Variants in RFX3 observed in about 807,000 individuals in gnomAD.
RFX3 encodes the protein transcription factor RFX3.
Under a neutral mutation model 98.6 loss-of-function variants are expected in RFX3, and 14 were observed. The ratio of observed to expected loss-of-function variants is 0.14; its 90% CI spans 0.09 to 0.22. The LOEUF (loss-of-function observed/expected upper bound fraction) is 0.22. Ranked by LOEUF, RFX3 falls within the 10% of genes least tolerant of loss-of-function variation. The probability of loss-of-function intolerance (pLI) is 1.00; values close to 1 mark genes in which losing one functional copy is unlikely to be tolerated. For synonymous variants in RFX3, 383 were observed against 328.4 expected (o/e 1.17, Z -1.80); for missense variants, 639 against 926.9 (o/e 0.69, Z 4.03).
At chr9:3,231,533 C>A (rs1439028454) in intron 15 of RFX3, among the ~76,000 whole-genome samples, 1 of 152,024 alleles carries the variant, frequency 6.6e-6, no homozygotes. Context: ...TCCCTATATT[C>A]TGAAGGGTAG....
At chr9:3,472,218 T>C (rs905531847) in intron 1 of RFX3, among the ~76,000 whole-genome samples, 1 of 152,182 alleles carries the variant, frequency 6.6e-6, no homozygotes, top group African/African-American at 2.4e-5. Context: ...AGGCCAAGAA[T>C]ATTAAAGCAC....
At chr9:3,457,894 G>T (rs1847336883) in intron 1 of RFX3, among the ~76,000 whole-genome samples, 1 of 152,030 alleles carries the variant, frequency 6.6e-6, no homozygotes, top group Non-Finnish European at 1.5e-5. Flanking sequence ...AATATAGACT[G>T]CTAGGTGGAA....
intron 2 of RFX3, among the ~76,000 whole-genome samples, chr9:3,357,567 C>T (rs1276725517): frequency 3.3e-5 from 5 of 151,804 alleles, no homozygotes; most frequent in Admixed American, 1.3e-4. Context: ...TATATTACAA[C>T]CAAATTTCAC....
intron 2 of RFX3, among the ~76,000 whole-genome samples, chr9:3,392,899 G>C (rs901786439): frequency 1.1e-4 from 17 of 152,020 alleles, no homozygotes; most frequent in African/African-American, 3.4e-4. Context: ...GATTTGAAAA[G>C]CATTTATATA....
Position 3,231,277 on chromosome 9 carries a change from A to G in RFX3, c.1969-2388T>C, listed in dbSNP as rs143206121. On this transcript the variant is annotated intron_variant, in intron 15 of 16. Transcript: ENST00000617270. ...AGAAGAGATAAGATTTTACTATCCTATAGAGCTGAAGGTAAAGGCTTTTAT... is the reference window on the plus strand; with the variant it reads ...AGAAGAGATAAGATTTTACTATCCTGTAGAGCTGAAGGTAAAGGCTTTTAT... Among the ~76,000 whole-genome samples, 937 of 152,338 alleles carry G rather than the reference A, an allele frequency of 6.2e-3. 3 individuals are homozygous for G. Among genetic ancestry groups the G allele is most frequent in the Non-Finnish European group, 1.0e-2 (679 of 68,026 alleles).
At chr9:3,349,412 TTTAA>T (rs1373740350) in intron 2 of RFX3, among the ~76,000 whole-genome samples, 4 of 152,100 alleles carry the variant, frequency 2.6e-5, no homozygotes, top group African/African-American at 9.7e-5. Context: ...AATTCATGTA[TTTAA>T]TTTTCTTTTT....
chr9:3,424,360 T>C (rs1176084234), intron 1 of RFX3, among the ~76,000 whole-genome samples: 5 of 104,140 alleles, frequency 4.8e-5, no homozygotes, highest in African/African-American at 7.6e-5. Context: ...TTTTTTTTTT[T>C]TTTTTTTTTT....
At chr9:3,504,900 T>TTTTA (rs1816687210) in intron 1 of RFX3, among the ~76,000 whole-genome samples, 1 of 62,726 alleles carries the variant, frequency 1.6e-5, no homozygotes, top group South Asian at 4.6e-4. Context: ...ATAACATATA[T>TTTTA]TATATATATA....
At chr9:3,360,393 A>G (rs1373592031) in intron 2 of RFX3, among the ~76,000 whole-genome samples, 1 of 152,146 alleles carries the variant, frequency 6.6e-6, no homozygotes, top group East Asian at 1.9e-4. Context: ...ACCTGACCAT[A>G]TCAGGTTTAA....
At chr9:3,257,231 G>GT in intron 13 of RFX3, 32 bp from the exon 14 acceptor site, 1 of 1,591,704 alleles carries the variant, frequency 6.3e-7, no homozygotes, top group South Asian at 1.1e-5. Context: ...AAAAGGAAAA[G>GT]TTCAATTCAG....
chr9:3,525,937 A>AGAGG lies in RFX3; in HGVS notation c.-203_-200dup. The AGAGG allele has an allele frequency of 2.2e-6, 2 of 910,030 alleles. No homozygotes were observed. Among genetic ancestry groups the AGAGG allele is most frequent in the Non-Finnish European group, 2.6e-6 (2 of 769,554 alleles). The allele number at this position is 910,030 out of a possible 1,614,324, so 56.4% of individuals were successfully genotyped here. A position where few individuals can be genotyped will look rare whatever the true frequency, so the allele number is the denominator to read the frequency against. ...GCTATAACTCACAAAAGAGAGAGAG[A>AGAGG]GAGGGAGAGAGAGAGAGAGCGAGAG... On this transcript the variant is annotated 5_prime_UTR_variant, in exon 1 of 17. Transcript: ENST00000617270.
intron 4 of RFX3, among the ~76,000 whole-genome samples, chr9:3,319,138 CT>C (rs1428580482): frequency 6.6e-6 from 1 of 152,218 alleles, no homozygotes; most frequent in African/African-American, 2.4e-5. Flanking sequence ...AACATTTTCA[CT>C]TTGTAGTTAG....
chr9:3,367,608 G>GTTAC (rs1217741307), intron 2 of RFX3, among the ~76,000 whole-genome samples: 7 of 152,144 alleles, frequency 4.6e-5, no homozygotes, highest in African/African-American at 1.2e-4. Context: ...CAAAGGAATT[G>GTTAC]TTACCAACAT....
intron 5 of RFX3, 138 bp downstream of exon 5, chr9:3,301,408 C>T (rs1828644920): frequency 1.9e-6 from 1 of 528,894 alleles, no homozygotes; most frequent in African/African-American, 1.9e-5. Context: ...CATTAAATGA[C>T]ACAGAGATCA....
chr9:3,418,130 A>G (rs940861138), intron 1 of RFX3, among the ~76,000 whole-genome samples: 8 of 152,214 alleles, frequency 5.3e-5, no homozygotes, highest in Admixed American at 1.3e-4. Flanking sequence ...TTCATAATCT[A>G]GCTTTACCAC....
rs888105749 is a variant in RFX3 at position 3,343,286 on chromosome 9, C to G, written c.215+3381G>C. ...GCCATGTACTGGGTGCTCAAAAGTT[C>G]ATGATAAAGATCAGAGTCCCTATCT... On this transcript the variant is annotated intron_variant, in intron 3 of 16. Coordinates refer to ENST00000617270, the MANE Select transcript of RFX3 (RefSeq NM_001282116.2). 2.6e-4 allele frequency among the ~76,000 whole-genome samples: 40 copies of G among 152,094 alleles called. 1 individual carries two copies. Among genetic ancestry groups the G allele is most frequent in the Admixed American group, 2.6e-3 (40 of 15,256 alleles).
At chr9:3,495,939 C>G (rs1374519668) in intron 1 of RFX3, among the ~76,000 whole-genome samples, 2 of 151,956 alleles carry the variant, frequency 1.3e-5, no homozygotes, top group African/African-American at 2.4e-5. Context: ...CAAACATAAA[C>G]CATATTTTGT....
intron 15 of RFX3, among the ~76,000 whole-genome samples, chr9:3,239,645 T>C (rs1009416586): frequency 1.3e-5 from 2 of 152,228 alleles, no homozygotes; most frequent in Non-Finnish European, 2.9e-5. Context: ...CTTAGTTGCC[T>C]TTGAAGAGAA....
intron 2 of RFX3, among the ~76,000 whole-genome samples, chr9:3,371,092 T>C (rs991087509): frequency 1.3e-5 from 2 of 152,232 alleles, no homozygotes; most frequent in African/African-American, 4.8e-5. Context: ...ATTCAATTTA[T>C]TCACTATTGT....
Sources: allele counts gnomAD v4.1 joint callset (sites outside exome capture counted in the v4.1 genomes callset), GRCh38; gene constraint gnomAD v4.1.1; transcripts MANE v1.5; gene names NCBI Gene and HGNC (gene_info 2026-07-23, HGNC 2026-07-21).